Variants in LAPTM4B observed in about 807,000 individuals in gnomAD.
LAPTM4B encodes lysosomal protein transmembrane 4 beta.
A neutral mutation model predicts 28.5 loss-of-function variants in LAPTM4B; 26 were observed. The observed-to-expected ratio is 0.91, with a 90% CI of 0.67 to 1.27. The LOEUF is 1.27. LAPTM4B is among the 50% of genes most tolerant of loss of function. The pLI, the probability that LAPTM4B is intolerant of heterozygous loss-of-function variation, is 0.00. For synonymous variants in LAPTM4B, 109 were observed against 106.4 expected (o/e 1.02, Z -0.15); for missense variants, 288 against 285.8 (o/e 1.01, Z -0.06).
chr8:97,834,057 C>A (rs1427411003), intron 6 of LAPTM4B, among the ~76,000 whole-genome samples: 2 of 150,892 alleles, frequency 1.3e-5, no homozygotes, highest in Admixed American at 1.3e-4. Flanking sequence ...GTGGCTCACG[C>A]CTGTAATTCT....
intron 1 of LAPTM4B, among the ~76,000 whole-genome samples, chr8:97,795,185 A>C (rs1292122534): frequency 6.6e-6 from 1 of 152,086 alleles, no homozygotes; most frequent in Admixed American, 6.6e-5. Flanking sequence ...CTGGAGCCGC[A>C]ACCTCCTGAG....
chr8:97,835,129 A>G (rs1817241143), intron 6 of LAPTM4B, among the ~76,000 whole-genome samples: 1 of 152,280 alleles, frequency 6.6e-6, no homozygotes, highest in East Asian at 1.9e-4. Flanking sequence ...TTTTGTTCAC[A>G]TCTTTGTTGG....
chr8:97,797,691 A>AT (rs11382484), intron 1 of LAPTM4B, among the ~76,000 whole-genome samples: 77,256 of 151,686 alleles, frequency 0.51, 20,956 homozygotes, highest in African/African-American at 0.7. Context: ...GTTCATAAGG[A>AT]TTTTTTTTAT....
chr8:97,820,839 C>T (rs530026569), intron 5 of LAPTM4B, among the ~76,000 whole-genome samples: 1 of 152,016 alleles, frequency 6.6e-6, no homozygotes, highest in East Asian at 2.0e-4. Flanking sequence ...AGCAATTCTC[C>T]TGCCTCAGTC....
chr8:97,849,677 A>C (rs1404415980), intron 6 of LAPTM4B, among the ~76,000 whole-genome samples: 1 of 152,098 alleles, frequency 6.6e-6, no homozygotes, highest in Admixed American at 6.5e-5. Flanking sequence ...TTCTTGCATC[A>C]CAGCTCCAGA....
chr8:97,830,207 G>T (rs751321081), intron 6 of LAPTM4B, among the ~76,000 whole-genome samples: 1 of 152,104 alleles, frequency 6.6e-6, no homozygotes, highest in Non-Finnish European at 1.5e-5. Context: ...AGAGTGGGTG[G>T]GTGAGGTTGA....
chr8:97,804,338 G>T (rs1031091981), intron 1 of LAPTM4B, among the ~76,000 whole-genome samples: 10 of 152,220 alleles, frequency 6.6e-5, no homozygotes, highest in Non-Finnish European at 1.2e-4. Flanking sequence ...AAAGGAAATA[G>T]AAATGAAGAG....
intron 6 of LAPTM4B, among the ~76,000 whole-genome samples, chr8:97,842,761 C>T (rs2129849632): frequency 6.6e-6 from 1 of 152,306 alleles, no homozygotes; most frequent in South Asian, 2.1e-4. Flanking sequence ...TTGTGATCTG[C>T]CCGCCTCAGC....
At chr8:97,779,908 G>A (rs988195843) in intron 1 of LAPTM4B, among the ~76,000 whole-genome samples, 29 of 151,630 alleles carry the variant, frequency 1.9e-4, no homozygotes, top group African/African-American at 5.1e-4. Flanking sequence ...AAAATTAGTC[G>A]GGCGCAGTGG....
chr8:97,851,234 G>A (rs1817519050), intron 6 of LAPTM4B, among the ~76,000 whole-genome samples, 163 bp from the exon 7 acceptor site: 1 of 152,198 alleles, frequency 6.6e-6, no homozygotes, highest in African/African-American at 2.4e-5. Context: ...CTCCTTTAAG[G>A]ATTCAAAAAG....
At chr8:97,791,841 G>A (rs1003912209) in intron 1 of LAPTM4B, among the ~76,000 whole-genome samples, 2 of 152,164 alleles carry the variant, frequency 1.3e-5, no homozygotes, top group African/African-American at 4.8e-5. Context: ...GTAGAATGGT[G>A]TAGTAATGAT....
chr8:97,791,871 G>A (rs1028306094), intron 1 of LAPTM4B, among the ~76,000 whole-genome samples: 8 of 152,128 alleles, frequency 5.3e-5, no homozygotes, highest in African/African-American at 1.9e-4. Context: ...TAGGGAGGCA[G>A]CACTGTTTTT....
intron 2 of LAPTM4B, among the ~76,000 whole-genome samples, chr8:97,812,874 G>C (rs1586331872): frequency 6.6e-6 from 1 of 152,274 alleles, no homozygotes; most frequent in Middle Eastern, 3.4e-3. Flanking sequence ...ACAGGGCGTT[G>C]AAGAATGGAT....
intron 6 of LAPTM4B, among the ~76,000 whole-genome samples, chr8:97,846,204 C>T (rs1586347934): frequency 1.3e-5 from 2 of 151,786 alleles, no homozygotes; most frequent in East Asian, 1.9e-4. Flanking sequence ...TGTCTGAAGA[C>T]CCTTGTGTAA....
At chr8:97,792,503 C>T (rs1013719874) in intron 1 of LAPTM4B, among the ~76,000 whole-genome samples, 1 of 152,306 alleles carries the variant, frequency 6.6e-6, no homozygotes, top group African/African-American at 2.4e-5. Flanking sequence ...GATCCACCTC[C>T]CTTGGCCTCC....
At chr8:97,790,695 C>G (rs1816484056) in intron 1 of LAPTM4B, among the ~76,000 whole-genome samples, 1 of 152,156 alleles carries the variant, frequency 6.6e-6, no homozygotes, top group South Asian at 2.1e-4. Context: ...ATCTGCCCGC[C>G]TCAGCTTCTC....
chr8:97,808,191 T>C (rs1816781741), intron 2 of LAPTM4B, among the ~76,000 whole-genome samples: 1 of 151,704 alleles, frequency 6.6e-6, no homozygotes, highest in African/African-American at 2.4e-5. Flanking sequence ...CTCATGCCTG[T>C]AATTCCAGCA....
intron 1 of LAPTM4B, among the ~76,000 whole-genome samples, chr8:97,798,621 A>G (rs765506883): frequency 6.6e-6 from 1 of 152,040 alleles, no homozygotes; most frequent in African/African-American, 2.4e-5. Flanking sequence ...TGCAGCATTT[A>G]TGACACTGGC....
chr8:97,846,756 T>C (rs888072353), intron 6 of LAPTM4B, among the ~76,000 whole-genome samples: 2 of 152,246 alleles, frequency 1.3e-5, no homozygotes, highest in East Asian at 3.8e-4. Context: ...GGAGTCTTGC[T>C]ATTTTGCCCA....
Sources: allele counts gnomAD v4.1 joint callset (sites outside exome capture counted in the v4.1 genomes callset), GRCh38; gene constraint gnomAD v4.1.1; transcripts MANE v1.5; gene names NCBI Gene and HGNC (gene_info 2026-07-23, HGNC 2026-07-21).